The following XRCC1 variants were observed in gnomAD, a reference collection of about 807,000 sequenced individuals.
XRCC1 encodes the protein X-ray repair cross complementing 1.
In XRCC1, 52 loss-of-function variants were observed where a neutral mutation model predicts 83.3. The ratio of observed to expected loss-of-function variants is 0.62; its 90% CI spans 0.50 to 0.79. XRCC1 has a LOEUF of 0.79. Ranked by LOEUF, XRCC1 falls within the 30% of genes least tolerant of loss-of-function variation. XRCC1 has a pLI of 0.00. For missense variants in XRCC1, 793 were observed against 823.5 expected (o/e 0.96, Z 0.45); for synonymous variants, 281 against 312.6 (o/e 0.90, Z 1.07).
At chr19:43,569,867 T>A (rs1431303352) in intron 2 of XRCC1, among the ~76,000 whole-genome samples, 1 of 152,062 alleles carries the variant, frequency 6.6e-6, no homozygotes, top group African/African-American at 2.4e-5. Context: ...GGAAGCCAGA[T>A]AAGAAAAGTT....
intron 6 of XRCC1, 150 bp from the exon 7 acceptor site, chr19:43,553,241 G>C: frequency 8.6e-7 from 1 of 1,168,054 alleles, no homozygotes; most frequent in African/African-American, 1.5e-5. Flanking sequence ...GGACACAAGA[G>C]GCCAGGCCCA....
rs1339388552 is a variant in XRCC1, at chr19:43,552,157, C to T, written c.942G>A (p.Glu314=). 6.8e-6 allele frequency: 11 copies of T among 1,614,126 alleles called. No individual in the cohort carries two copies. The East Asian group carries it at 2.5e-4, about 36-fold the overall frequency. Residue 314 remains glutamate (E), a synonymous_variant, in exon 9 of 17, where the codon GAG becomes GAA. Coordinates refer to ENST00000262887, the MANE Select transcript of XRCC1 (RefSeq NM_006297.3). ...TEPRRPRAGP[E]ELGKILQGVV... Reference sequence around the variant, plus strand: ...CACCCTGAAGGATCTTCCCCAGCTCCTCTGGGCCAGCTCGGGGTCGTCTGG... The same window carrying T: ...CACCCTGAAGGATCTTCCCCAGCTCTTCTGGGCCAGCTCGGGGTCGTCTGG...
chr19:43,546,906 T>G lies in XRCC1; in HGVS notation c.1271A>C (p.Glu424Ala). 6.2e-7 allele frequency: 1 copy of G among 1,613,968 alleles called. No homozygotes were observed. Among genetic ancestry groups the G allele is most frequent in the South Asian group, 1.1e-5 (1 of 91,074 alleles). Residue 424 changes from glutamate (E) to alanine (A), a missense_variant, in exon 11 of 17, where the codon GAA becomes GCA. Transcript: ENST00000262887. ...GACCTTCTGAGGAAGCTTGGGGGCT[T>G]CATCTCCGCTGCCACCGCTGTGAGA... Reference protein sequence around the residue: ...EASHSGGSGDEAPKLPQKQPQ... With the variant: ...EASHSGGSGDAAPKLPQKQPQ...
At chr19:43,546,851 A>G in intron 11 of XRCC1, 33 bp downstream of exon 11, 1 of 1,611,154 alleles carries the variant, frequency 6.2e-7, no homozygotes, top group Non-Finnish European at 8.5e-7. Flanking sequence ...TCCTCCCACT[A>G]CACCCTCCCC....
intron 2 of XRCC1, among the ~76,000 whole-genome samples, chr19:43,563,324 T>C (rs550570847): frequency 6.6e-6 from 1 of 152,292 alleles, no homozygotes; most frequent in South Asian, 2.1e-4. Context: ...CTGTCTCTAC[T>C]AAAAATATGA....
intron 2 of XRCC1, among the ~76,000 whole-genome samples, chr19:43,570,794 C>T (rs749550260): frequency 9.2e-5 from 14 of 152,092 alleles, no homozygotes; most frequent in Non-Finnish European, 1.9e-4. Flanking sequence ...CAAAACATAA[C>T]ATAACAACCC....
chr19:43,552,887 TC>T lies in XRCC1; in HGVS notation c.732del (p.Lys245ArgfsTer6). The T allele has an allele frequency of 6.2e-7, 1 of 1,613,422 alleles. No homozygotes were observed. The highest frequency in any genetic ancestry group is 8.5e-7 in the Non-Finnish European group (1 of 1,179,760). ...TCTTGGTTCAAATCCAACTTCCTCT[TC>T]CCTTTGGGAGACTCCTGGGGCTGAG... ...STSKPQESPK[G>X]KRKLDLNQEE... On this transcript the variant is annotated frameshift_variant, in exon 8 of 17. Coordinates refer to ENST00000262887, the MANE Select transcript of XRCC1 (RefSeq NM_006297.3). LOFTEE classifies it high-confidence loss of function.
chr19:43,546,790 CTGCAAGA>C (rs1972515483), intron 11 of XRCC1, 63 bp from the exon 12 acceptor site: 3 of 1,593,316 alleles, frequency 1.9e-6, no homozygotes, highest in Non-Finnish European at 1.7e-6. Context: ...GGGGGGGTAC[CTGCAAGA>C]GGCAAGAGTG....
At chr19:43,550,508 A>G (rs1051255943) in intron 10 of XRCC1, among the ~76,000 whole-genome samples, 1 of 152,116 alleles carries the variant, frequency 6.6e-6, no homozygotes, top group Non-Finnish European at 1.5e-5. Flanking sequence ...CTATCCCCCA[A>G]GGCAAATAAT....
rs773579200 is a variant in XRCC1 at position 43,556,834 on chromosome 19, G to A, written c.256-2030C>T. ...AGCCTAGCCAACATGGTGAAACACC[G>A]TCTTTACTAAAAATACAAAAATTAG... is the stretch of plus-strand genomic sequence containing the variant. On this transcript the variant is annotated intron_variant, in intron 3 of 16. Coordinates refer to ENST00000262887, the MANE Select transcript of XRCC1 (RefSeq NM_006297.3). Among the ~76,000 whole-genome samples, 5 of 151,888 alleles carry A rather than the reference G, an allele frequency of 3.3e-5. No individual in the cohort carries two copies. The East Asian group carries it at 5.8e-4, about 18-fold the overall frequency.
rs746331654 is a variant in XRCC1 at position 43,551,590 on chromosome 19, G to A, written c.1180C>T (p.Arg394Trp). 3.7e-6 allele frequency: 6 copies of A among 1,614,134 alleles called. No homozygotes were observed. Among genetic ancestry groups the A allele is most frequent in the South Asian group, 2.2e-5 (2 of 91,074 alleles). The change falls in exon 10 of 17, where the codon CGG becomes TGG. Residue 394 changes from arginine to tryptophan, a missense_variant. Physicochemically the swap from Arg to Trp is moderately radical, Grantham distance 101 (BLOSUM62 -3). Coordinates refer to ENST00000262887, the MANE Select transcript of XRCC1 (RefSeq NM_006297.3). Reference protein sequence around the residue: ...EWVLDCHRMRRRLPSQRYLMA... With the variant: ...EWVLDCHRMRWRLPSQRYLMA... ...CCTTACCTCTGGGAGGGCAGCCGCC[G>A]ACGCATGCGGTGACAGTCCAGCACC...
chr19:43,557,307 C>CAAAAAAAA (rs33984597), intron 3 of XRCC1, among the ~76,000 whole-genome samples: 3 of 77,864 alleles, frequency 3.9e-5, no homozygotes, highest in Non-Finnish European at 7.0e-5. Context: ...GACTCCGTCT[C>CAAAAAAAA]AAAAAAAAAA....
chr19:43,574,913 T>C lies in XRCC1; in HGVS notation c.141A>G (p.Leu47=), dbSNP rs1972839544. 4 of 1,613,732 alleles carry C rather than the reference T, an allele frequency of 2.5e-6. No individual in the cohort carries two copies. Among genetic ancestry groups the C allele is most frequent in the African/African-American group, 1.3e-5 (1 of 75,046 alleles). ...GGAGGTGGGGTGGCAGGATCACCTGTAGGACCACAGAGATGGTCTTCTCGC... is the reference window on the plus strand; with the variant it reads ...GGAGGTGGGGTGGCAGGATCACCTGCAGGACCACAGAGATGGTCTTCTCGC... ...KAGEKTISVV[L]QLEKEEQIHS... The change falls in exon 2 of 17, where the codon CTA becomes CTG. Residue 47 remains leucine (L), a synonymous_variant. Coordinates refer to ENST00000262887, the MANE Select transcript of XRCC1 (RefSeq NM_006297.3).
At chr19:43,546,231 G>C (rs1384438833) in intron 12 of XRCC1, 125 bp from the exon 13 acceptor site, 3 of 1,098,366 alleles carry the variant, frequency 2.7e-6, no homozygotes, top group Non-Finnish European at 4.1e-6. Context: ...AGATCCAGTC[G>C]TCTGGGCCCC....
chr19:43,570,929 A>T (rs911070299), intron 2 of XRCC1, among the ~76,000 whole-genome samples: 4 of 152,246 alleles, frequency 2.6e-5, no homozygotes, highest in Non-Finnish European at 4.4e-5. Flanking sequence ...AGATGCAATC[A>T]GTCATTCCAA....
At position 43,560,945 on chromosome 19, in the gene XRCC1, T is replaced by G; in HGVS notation, c.220A>C (p.Ser74Arg). 6.2e-7 allele frequency: 1 copy of G among 1,614,204 alleles called. No individual in the cohort carries two copies. Among genetic ancestry groups the G allele is most frequent in the Non-Finnish European group, 8.5e-7 (1 of 1,180,030 alleles). The change falls in exon 3 of 17, where the codon AGT (serine) becomes CGT (arginine). Residue 74 changes from serine (S) to arginine (R), a missense_variant. Ser to Arg is a moderately radical substitution (Grantham distance 110). Transcript: ENST00000262887. ...GSAFVEVLVG[S>R]SAGGAGEQDY... ...TGCTCCCCAGCGCCTCCAGCTGAAC[T>G]GCCCACCAGCACCTCCACGAAAGCT...
chr19:43,548,582 A>C (rs1161504337), intron 10 of XRCC1, among the ~76,000 whole-genome samples: 2 of 152,122 alleles, frequency 1.3e-5, no homozygotes, highest in African/African-American at 2.4e-5. Flanking sequence ...CAGCATGCTC[A>C]TTAAGAGTCA....
chr19:43,559,546 A>G (rs1375683103), intron 3 of XRCC1, among the ~76,000 whole-genome samples: 1 of 151,674 alleles, frequency 6.6e-6, no homozygotes, highest in African/African-American at 2.4e-5. Context: ...CACACAATAC[A>G]CAAAAATTCA....
At chr19:43,563,361 T>C (rs1237008629) in intron 2 of XRCC1, among the ~76,000 whole-genome samples, 2 of 152,096 alleles carry the variant, frequency 1.3e-5, no homozygotes, top group African/African-American at 4.8e-5. Flanking sequence ...GGCATGGTGG[T>C]GAGCGCCTGT....
Sources: allele counts gnomAD v4.1 joint callset (sites outside exome capture counted in the v4.1 genomes callset), GRCh38; gene constraint gnomAD v4.1.1; transcripts MANE v1.5; gene names NCBI Gene and HGNC (gene_info 2026-07-23, HGNC 2026-07-21).